The following PCBP3 variants were observed in gnomAD, a reference collection of about 807,000 sequenced individuals.
PCBP3 encodes the protein poly(rC)-binding protein 3.
Under a neutral mutation model 52.7 loss-of-function variants are expected in PCBP3, and 25 were observed. That is an observed-to-expected ratio of 0.47 (90% CI 0.35 to 0.66). The LOEUF (loss-of-function observed/expected upper bound fraction) is 0.66, where lower values mean the gene tolerates loss of function less well. Ranked by LOEUF, PCBP3 falls within the 30% of genes least tolerant of loss-of-function variation. PCBP3 has a pLI of 0.01. For synonymous variants in PCBP3, 162 were observed against 183.0 expected (o/e 0.89, Z 0.93); for missense variants, 391 against 490.3 (o/e 0.80, Z 1.91).
At position 45,805,042 on chromosome 21, in the gene PCBP3, G is replaced by A. The variant is rs1015613849; in HGVS notation, c.-125-44919G>A. Among the ~76,000 whole-genome samples the A allele has an allele frequency of 6.6e-5, 10 of 152,186 alleles. No homozygotes were observed. Among genetic ancestry groups the A allele is most frequent in the South Asian group, 2.1e-4 (1 of 4,832 alleles). Reference sequence around the variant, plus strand: ...CTGGATGCTGTGACCGCCTGATCCCGTGGTGATGGCACAGCCCTGCTGTGG... The same window carrying A: ...CTGGATGCTGTGACCGCCTGATCCCATGGTGATGGCACAGCCCTGCTGTGG... On this transcript the variant is annotated intron_variant, in intron 4 of 17. Transcript: ENST00000681687. This position sits in a 1 kb window ranked among gnomAD's most constrained non-coding sequence, Gnocchi z 4.6.
Position 45,821,240 on chromosome 21 carries a change from G to T in PCBP3, c.-125-28721G>T, listed in dbSNP as rs1468966732. Among the ~76,000 whole-genome samples, 3 of 151,886 alleles carry T rather than the reference G, an allele frequency of 2.0e-5. No homozygotes were observed. Among genetic ancestry groups the T allele is most frequent in the Admixed American group, 2.0e-4 (3 of 15,272 alleles). On this transcript the variant is annotated intron_variant, in intron 4 of 17. Coordinates refer to ENST00000681687, the MANE Select transcript of PCBP3 (RefSeq NM_001384156.1). This position sits in a 1 kb window ranked among gnomAD's most constrained non-coding sequence, Gnocchi z 4.4. ...CCTGTGCAGCCTCTCCCTAATCCTG[G>T]ATTCCGCAGGGGCTCCAAGACCCTC...
intron 4 of PCBP3, among the ~76,000 whole-genome samples, chr21:45,773,127 C>T (rs532212591): frequency 1.5e-4 from 23 of 152,172 alleles, no homozygotes; most frequent in South Asian, 6.2e-4. Flanking sequence ...TATGCTTTTG[C>T]GGTCTTAGTC....
chr21:45,851,657 A>G (rs747439623), intron 5 of PCBP3, among the ~76,000 whole-genome samples: 1 of 152,260 alleles, frequency 6.6e-6, no homozygotes, highest in Non-Finnish European at 1.5e-5. Flanking sequence ...AGAAATAACC[A>G]TAGATACAGC....
At chr21:45,709,150 C>T (rs1244247041) in intron 2 of PCBP3, among the ~76,000 whole-genome samples, 1 of 152,230 alleles carries the variant, frequency 6.6e-6, no homozygotes, top group Admixed American at 6.5e-5. Flanking sequence ...GCCTGGCATG[C>T]TGTAAGTTCT....
At chr21:45,861,179 C>T (rs923260365) in intron 5 of PCBP3, among the ~76,000 whole-genome samples, 5 of 152,248 alleles carry the variant, frequency 3.3e-5, no homozygotes, top group African/African-American at 1.2e-4. Context: ...CACCCCCTCT[C>T]AGCTGCTGCC....
chr21:45,778,471 G>C (rs1045776058), intron 4 of PCBP3, among the ~76,000 whole-genome samples: 3 of 152,194 alleles, frequency 2.0e-5, no homozygotes, highest in Non-Finnish European at 4.4e-5. Context: ...TGCGCCCCTG[G>C]GAAACTGGCA....
intron 2 of PCBP3, among the ~76,000 whole-genome samples, chr21:45,732,222 T>C (rs1395514761): frequency 6.6e-6 from 1 of 152,200 alleles, no homozygotes; most frequent in Non-Finnish European, 1.5e-5. Context: ...TGACTTGCAC[T>C]GTTTCTGAAA....
chr21:45,711,483 C>T (rs2083835319), intron 2 of PCBP3, among the ~76,000 whole-genome samples: 4 of 152,212 alleles, frequency 2.6e-5, no homozygotes, highest in Admixed American at 2.6e-4. Context: ...CTGGTTTGCA[C>T]CATCCACTAT....
chr21:45,683,714 C>T (rs928493190), intron 2 of PCBP3, among the ~76,000 whole-genome samples: 2 of 152,008 alleles, frequency 1.3e-5, no homozygotes, highest in African/African-American at 4.8e-5. Context: ...ATCACGAGGT[C>T]AGGAGATCGA....
intron 6 of PCBP3, among the ~76,000 whole-genome samples, chr21:45,896,592 C>A (rs1332633946): frequency 6.7e-6 from 1 of 149,922 alleles, no homozygotes; most frequent in Non-Finnish European, 1.5e-5. Flanking sequence ...GCACATAGAA[C>A]TGGAGACGCA....
Position 45,687,736 on chromosome 21 carries a change from G to GT in PCBP3, c.-200+18795dup, listed in dbSNP as rs965639154. Among the ~76,000 whole-genome samples the GT allele has an allele frequency of 8.5e-3, 1,232 of 144,112 alleles. 13 individuals carry two copies. The highest frequency in any genetic ancestry group is 0.026 in the African/African-American group (1,047 of 39,540). The allele number at this position is 144,112 out of a possible 152,430, so 94.5% of individuals were successfully genotyped here. A position where few individuals can be genotyped will look rare whatever the true frequency, so the allele number is the denominator to read the frequency against. Reference sequence around the variant, plus strand: ...TCGGAGATAAAGACATTTCTTTTTTGTTTTTTTTTTTGAGATGGAGTCTCG... The same window carrying GT: ...TCGGAGATAAAGACATTTCTTTTTTGTTTTTTTTTTTTGAGATGGAGTCTCG... On this transcript the variant is annotated intron_variant, in intron 2 of 17. Coordinates refer to ENST00000681687, the MANE Select transcript of PCBP3 (RefSeq NM_001384156.1).
At chr21:45,816,010 G>C (rs1261586161) in intron 4 of PCBP3, among the ~76,000 whole-genome samples, 9 of 135,832 alleles carry the variant, frequency 6.6e-5, no homozygotes, top group Non-Finnish European at 8.0e-5. Context: ...AGTGGTGAGT[G>C]AGTGGTGAGT....
At chr21:45,738,057 C>T (rs980729127) in intron 3 of PCBP3, among the ~76,000 whole-genome samples, 2 of 152,092 alleles carry the variant, frequency 1.3e-5, no homozygotes, top group Non-Finnish European at 2.9e-5. Context: ...CCTCTCAGGT[C>T]CACTTCATTT....
intron 1 of PCBP3, among the ~76,000 whole-genome samples, chr21:45,652,979 T>C (rs1486877954): frequency 6.6e-6 from 1 of 152,236 alleles, no homozygotes; most frequent in Non-Finnish European, 1.5e-5. Flanking sequence ...TATTGTTTGT[T>C]ATGCTTTCTA....
At chr21:45,701,096 A>G (rs958109489) in intron 2 of PCBP3, among the ~76,000 whole-genome samples, 1 of 152,252 alleles carries the variant, frequency 6.6e-6, no homozygotes, top group African/African-American at 2.4e-5. Context: ...TTAAATTCTG[A>G]TATCAATTTC....
chr21:45,930,794 C>A lies in PCBP3; in HGVS notation c.805C>A (p.Leu269Met). The A allele has an allele frequency of 7.3e-7, 1 of 1,376,372 alleles. No individual in the cohort carries two copies. Among genetic ancestry groups the A allele is most frequent in the Non-Finnish European group, 1.0e-6 (1 of 962,864 alleles). 85.3% of individuals were successfully genotyped at this position (1,376,372 alleles called of 1,614,324 possible). A position where few individuals can be genotyped will look rare whatever the true frequency, so the allele number is the denominator to read the frequency against. The change falls in exon 15 of 18, where the codon CTG becomes ATG. Residue 269 changes from leucine (L) to methionine (M), a missense_variant. Physicochemically the swap from Leu to Met is conservative, Grantham distance 15 (BLOSUM62 2). Transcript: ENST00000681687. The stretch of plus-strand genomic sequence containing the variant: ...TCTTCTTTGCTCTCCAGGAGAAAAG[C>A]TGCCTTTACACTCCTCCGAAGAAGC... ...QTNPAFPGEKLPLHSSEEAQN... is the reference protein window; with the variant it reads ...QTNPAFPGEKMPLHSSEEAQN...
At chr21:45,718,941 C>T (rs1295934130) in intron 2 of PCBP3, among the ~76,000 whole-genome samples, 1 of 152,138 alleles carries the variant, frequency 6.6e-6, no homozygotes, top group African/African-American at 2.4e-5. Context: ...AAAAGAACAG[C>T]AGTGGAGAGC....
intron 2 of PCBP3, among the ~76,000 whole-genome samples, chr21:45,718,248 T>G (rs1224742388): frequency 1.3e-5 from 2 of 152,024 alleles, no homozygotes; most frequent in African/African-American, 4.8e-5. Flanking sequence ...TTGTCAATTT[T>G]TTGATCTTTT....
At chr21:45,754,188 C>T (rs1274107648) in intron 3 of PCBP3, among the ~76,000 whole-genome samples, 11 of 151,936 alleles carry the variant, frequency 7.2e-5, no homozygotes, top group Admixed American at 1.3e-4. Flanking sequence ...AGAAAAAGCT[C>T]GGACTACAAG....
Sources: gnomAD v4.1 joint callset for allele counts (sites outside exome capture counted in the v4.1 genomes callset) on GRCh38, gnomAD v4.1.1 for gene constraint, Gnocchi (gnomAD v3.1) non-coding constraint, MANE v1.5 for transcripts, NCBI Gene and HGNC (gene_info 2026-07-23, HGNC 2026-07-21) for gene names.